SESN3: variants seen among roughly 807,000 people sequenced by gnomAD.
The protein encoded by SESN3 is sestrin 3.
A neutral mutation model predicts 55.3 loss-of-function variants in SESN3; 21 were observed. The observed-to-expected ratio is 0.38, with a 90% CI of 0.27 to 0.55. The LOEUF is 0.55. SESN3 is among the 20% of genes least tolerant of loss of function. SESN3 has a pLI of 0.76. For missense variants in SESN3, 408 were observed against 604.3 expected (o/e 0.68, Z 3.41); for synonymous variants, 181 against 203.1 (o/e 0.89, Z 0.93).
Position 95,230,734 on chromosome 11 carries a change from G to A in SESN3, c.78+49C>T. ...CCGGGGACGAGCCGCCCGAGCCCCG[G>A]CCGGCAGGAAGCGACCCTCGCCGGC... On this transcript the variant is annotated intron_variant, in intron 1 of 9. Coordinates refer to ENST00000536441, the MANE Select transcript of SESN3 (RefSeq NM_144665.4). This position sits in a 1 kb window ranked among gnomAD's most constrained non-coding sequence, Gnocchi z 4.6. 2 of 1,468,362 alleles carry A rather than the reference G, an allele frequency of 1.4e-6. No individual in the cohort carries two copies. Among genetic ancestry groups the A allele is most frequent in the Admixed American group, 1.8e-5 (1 of 56,748 alleles). The allele number at this position is 1,468,362 out of a possible 1,614,324, so 91.0% of individuals were successfully genotyped here. A position where few individuals can be genotyped will look rare whatever the true frequency, so the allele number is the denominator to read the frequency against.
At chr11:95,194,726 T>C (rs1860329766) in intron 1 of SESN3, among the ~76,000 whole-genome samples, 1 of 152,106 alleles carries the variant, frequency 6.6e-6, no homozygotes, top group African/African-American at 2.4e-5. Context: ...ATTTCTTGTC[T>C]ATGTCAACCA....
In SESN3 at chr11:95,167,197, T is replaced by C. The variant is rs1389289409; in HGVS notation, c.*6058A>G. On this transcript the variant is annotated 3_prime_UTR_variant, in exon 10 of 10. Coordinates refer to ENST00000536441, the MANE Select transcript of SESN3 (RefSeq NM_144665.4). The stretch of plus-strand genomic sequence containing the variant: ...ATTTGTGAACAATATTTTAACACTA[T>C]AGGCCAGAGAGATTCTCTCTGATAT... 1.3e-5 allele frequency: 2 copies of C among 152,176 alleles called. No homozygotes were observed. The highest frequency in any genetic ancestry group is 1.9e-4 in the East Asian group (1 of 5,196). 9.4% of individuals were successfully genotyped at this position (152,176 alleles called of 1,614,324 possible).
intron 5 of SESN3, among the ~76,000 whole-genome samples, chr11:95,184,889 A>G (rs559059810): frequency 6.6e-6 from 1 of 152,208 alleles, no homozygotes; most frequent in African/African-American, 2.4e-5. Flanking sequence ...TAAAAAAATG[A>G]GGCAGCACAA....
intron 1 of SESN3, 25 bp from the exon 2 acceptor site, chr11:95,193,547 G>GT: frequency 7.7e-7 from 1 of 1,298,648 alleles, no homozygotes; most frequent in Non-Finnish European, 1.1e-6. Flanking sequence ...AAAGTTTTAT[G>GT]TATCAATGAT....
At chr11:95,211,938 T>C (rs1860663150) in intron 1 of SESN3, among the ~76,000 whole-genome samples, 1 of 152,244 alleles carries the variant, frequency 6.6e-6, no homozygotes, top group East Asian at 1.9e-4. Context: ...ATTAATTCGA[T>C]ATTTTGTTCA....
rs967503837 is a variant in SESN3 at position 95,209,702 on chromosome 11, T to C, written c.79-16180A>G. 3.3e-5 allele frequency among the ~76,000 whole-genome samples: 5 copies of C among 151,294 alleles called. No individual in the cohort carries two copies. In the East Asian group the frequency reaches 5.8e-4, roughly 18 times the overall value. Reference sequence around the variant, plus strand: ...AAGAAAATGTGGCACATATACACTATGGAATACTATGCAGCCATAAAAAAG... The same window carrying C: ...AAGAAAATGTGGCACATATACACTACGGAATACTATGCAGCCATAAAAAAG... On this transcript the variant is annotated intron_variant, in intron 1 of 9. Transcript: ENST00000536441.
At chr11:95,231,512 T>C (rs576880795), upstream of SESN3, 1 of 177,854 alleles carries the variant, frequency 5.6e-6, no homozygotes, top group Admixed American at 6.3e-5. Flanking sequence ...GCAAATATAC[T>C]GCCCTCCAAG....
intron 1 of SESN3, chr11:95,201,316 A>C (rs2134244947): frequency 6.6e-6 from 1 of 152,190 alleles, no homozygotes; most frequent in South Asian, 2.1e-4. Flanking sequence ...TTGTAGTAGA[A>C]GCAGTTAAGT....
Position 95,189,875 on chromosome 11 carries a change from A to G in SESN3, c.429T>C (p.Asn143=). The change falls in exon 4 of 10, where the codon AAT becomes AAC. Residue 143 remains asparagine (N), a synonymous_variant. Coordinates refer to ENST00000536441, the MANE Select transcript of SESN3 (RefSeq NM_144665.4). ...GTCTTTGTGGCACATATTCCAAACCATTCAACCACTCAGCAATACCTCCAG... is the reference window on the plus strand; with the variant it reads ...GTCTTTGTGGCACATATTCCAAACCGTTCAACCACTCAGCAATACCTCCAG... ...LKTGGIAEWL[N]GLEYVPQRLK... The G allele has an allele frequency of 1.2e-6, 2 of 1,611,838 alleles. No homozygotes were observed. Among genetic ancestry groups the G allele is most frequent in the Non-Finnish European group, 8.5e-7 (1 of 1,178,618 alleles).
chr11:95,214,488 AAT>A (rs1860716397), intron 1 of SESN3, among the ~76,000 whole-genome samples: 1 of 152,188 alleles, frequency 6.6e-6, no homozygotes, highest in Admixed American at 6.5e-5. Context: ...GTCCATATAT[AAT>A]ACACATGGCT....
At chr11:95,212,240 G>T (rs544882185) in intron 1 of SESN3, among the ~76,000 whole-genome samples, 1 of 152,152 alleles carries the variant, frequency 6.6e-6, no homozygotes, top group Non-Finnish European at 1.5e-5. Context: ...GCTTTCACAA[G>T]TGAAGATACA....
intron 1 of SESN3, among the ~76,000 whole-genome samples, chr11:95,197,684 C>A (rs1169322492): frequency 1.3e-5 from 2 of 152,082 alleles, no homozygotes; most frequent in Non-Finnish European, 2.9e-5. Flanking sequence ...ATTATTCTTT[C>A]AAGTCAATGT....
chr11:95,207,511 T>A (rs925115402), intron 1 of SESN3, among the ~76,000 whole-genome samples: 1 of 151,650 alleles, frequency 6.6e-6, no homozygotes, highest in African/African-American at 2.4e-5. Context: ...ATTCTATGGT[T>A]ATACAGAATG....
intron 1 of SESN3, among the ~76,000 whole-genome samples, chr11:95,195,699 A>G (rs1359531013): frequency 6.6e-6 from 1 of 152,184 alleles, no homozygotes; most frequent in Non-Finnish European, 1.5e-5. Context: ...ATATAAAGAG[A>G]CTTGGGACAT....
chr11:95,218,165 CA>C (rs1306847588), intron 1 of SESN3, among the ~76,000 whole-genome samples: 1 of 152,198 alleles, frequency 6.6e-6, no homozygotes, highest in Non-Finnish European at 1.5e-5. Flanking sequence ...GACAATAAGA[CA>C]ATTAGTTCAA....
intron 1 of SESN3, among the ~76,000 whole-genome samples, chr11:95,217,519 G>A (rs1276053830): frequency 6.6e-6 from 1 of 152,040 alleles, no homozygotes; most frequent in African/African-American, 2.4e-5. Context: ...GGGCACGGTG[G>A]TGGGCACCTG....
chr11:95,177,670 T>C, intron 8 of SESN3, 49 bp downstream of exon 8: 2 of 1,444,542 alleles, frequency 1.4e-6, no homozygotes, highest in Non-Finnish European at 1.9e-6. Flanking sequence ...AGACTCATGC[T>C]TGAATTTTCA....
Position 95,171,060 on chromosome 11 carries a change from T to C in SESN3, c.*2195A>G, listed in dbSNP as rs1859840510. The C allele has an allele frequency of 6.6e-6, 1 of 152,132 alleles. No homozygotes were observed. Among genetic ancestry groups the C allele is most frequent in the South Asian group, 2.1e-4 (1 of 4,830 alleles). The allele number at this position is 152,132 out of a possible 1,614,324, so 9.4% of individuals were successfully genotyped here. On this transcript the variant is annotated 3_prime_UTR_variant, in exon 10 of 10. Transcript: ENST00000536441. ...TCTCCTCCTTTTCAATACATACAAA[T>C]CATTTTTTATCCTGTTATACAGTTC...
intron 1 of SESN3, among the ~76,000 whole-genome samples, chr11:95,194,600 A>G (rs1860327515): frequency 6.6e-6 from 1 of 152,124 alleles, no homozygotes; most frequent in Admixed American, 6.6e-5. Flanking sequence ...AGTTTCAGAA[A>G]TAACTTTATA....
Sources: gnomAD v4.1 joint callset for allele counts (sites outside exome capture counted in the v4.1 genomes callset) on GRCh38, gnomAD v4.1.1 for gene constraint, Gnocchi (gnomAD v3.1) non-coding constraint, MANE v1.5 for transcripts, NCBI Gene and HGNC (gene_info 2026-07-23, HGNC 2026-07-21) for gene names.